WNT10A: variants seen among roughly 807,000 people sequenced by gnomAD.
WNT10A encodes Wnt family member 10A.
WNT10A carries 37 observed loss-of-function variants against 36.1 expected under a neutral mutation model. The ratio of observed to expected loss-of-function variants is 1.02; its 90% CI spans 0.79 to 1.35. WNT10A has a LOEUF of 1.35. Ranked by LOEUF, WNT10A falls within the 40% of genes most tolerant of loss-of-function variation. The probability of loss-of-function intolerance (pLI) is 0.00; values close to 1 mark genes in which losing one functional copy is unlikely to be tolerated. For missense variants in WNT10A, 613 were observed against 601.4 expected, an observed-to-expected ratio of 1.02 and a Z score of -0.20; for synonymous variants, 255 against 254.1, an observed-to-expected ratio of 1.00 and a Z score of -0.03.
intron 2 of WNT10A, among the ~76,000 whole-genome samples, chr2:218,889,541 G>A (rs1944620914): frequency 6.6e-6 from 1 of 152,216 alleles, no homozygotes; most frequent in African/African-American, 2.4e-5. Flanking sequence ...ATTCCCACCA[G>A]CAACATCACT....
At chr2:218,879,634 C>G (rs1944486864), upstream of WNT10A, among the ~76,000 whole-genome samples, 1 of 152,140 alleles carries the variant, frequency 6.6e-6, no homozygotes, top group African/African-American at 2.4e-5. Flanking sequence ...CCTAGAGGAC[C>G]ATGTGCAGGT....
the WNT10A span, among the ~76,000 whole-genome samples, chr2:218,875,159 C>CTTTTT: frequency 1.9e-4 from 7 of 36,862 alleles, 3 homozygotes; most frequent in Admixed American, 8.5e-4. Context: ...GACTGACTTT[C>CTTTTT]TTTTTTTTTT....
At chr2:218,884,953 G>C (rs1195487250) in intron 2 of WNT10A, among the ~76,000 whole-genome samples, 2 of 152,224 alleles carry the variant, frequency 1.3e-5, no homozygotes, top group African/African-American at 2.4e-5. Context: ...CACTGATTGG[G>C]TTGGGGTCCC....
chr2:218,892,964 G>C lies in WNT10A; in HGVS notation c.947G>C (p.Gly316Ala). Residue 316 changes from glycine (G) to alanine (A), a missense_variant, in exon 4 of 4, where the codon GGG becomes GCG. By Grantham distance (60) the Gly-to-Ala change is moderately conservative. Transcript: ENST00000258411. ...NGGQLEPGPA[G>A]APSPAPGAPG... is the part of the protein sequence containing the mutation. ...GGCCAGCTGGAGCCGGGCCCAGCGG[G>C]GGCACCCTCGCCGGCTCCGGGCGCT... is the stretch of plus-strand genomic sequence containing the variant. 5 of 1,443,218 alleles carry C rather than the reference G, an allele frequency of 3.5e-6. No individual in the cohort carries two copies. In the South Asian group the frequency reaches 7.1e-5, roughly 21 times the overall value. The allele number at this position is 1,443,218 out of a possible 1,614,324, so 89.4% of individuals were successfully genotyped here.
At chr2:218,879,006 C>T (rs909686903), upstream of WNT10A, among the ~76,000 whole-genome samples, 1 of 152,192 alleles carries the variant, frequency 6.6e-6, no homozygotes, top group African/African-American at 2.4e-5. Flanking sequence ...TCAAATAAGG[C>T]TCTAGCTGAC....
chr2:218,882,587 A>G (rs867369148), intron 2 of WNT10A, among the ~76,000 whole-genome samples, 164 bp downstream of exon 2: 2 of 152,252 alleles, frequency 1.3e-5, no homozygotes, highest in Middle Eastern at 3.4e-3. Context: ...ATCTCAGGCC[A>G]TGGGGGCAGA....
Position 218,890,083 on chromosome 2 carries a change from G to A in WNT10A, c.476G>A (p.Cys159Tyr), listed in dbSNP as rs1450863492. Residue 159 changes from cysteine to tyrosine, a missense_variant, in exon 3 of 4, where the codon TGT becomes TAT. By Grantham distance (194) the Cys-to-Tyr change is radical. Transcript: ENST00000258411. The part of the protein sequence containing the change: ...CALGKLKACG[C>Y]DASRRGDEEA... ...CTGGGCAAACTGAAGGCCTGTGGCTGTGATGCGTCCCGGCGAGGGGACGAG... is the reference window on the plus strand; with the variant it reads ...CTGGGCAAACTGAAGGCCTGTGGCTATGATGCGTCCCGGCGAGGGGACGAG... 6.2e-7 allele frequency: 1 copy of A among 1,614,182 alleles called. No individual in the cohort carries two copies. The highest frequency in any genetic ancestry group is 1.7e-5 in the Admixed American group (1 of 60,030).
At chr2:218,880,798 C>G, upstream of WNT10A, 1 of 510,846 alleles carries the variant, frequency 2.0e-6, no homozygotes, top group Non-Finnish European at 3.4e-6. The surrounding 1 kb of genome is among the most constrained non-coding windows in gnomAD (Gnocchi z 7.7). Flanking sequence ...CCCCCCGCCC[C>G]CCCCGAGGGC....
chr2:218,881,262 T>A (rs1196641812), intron 1 of WNT10A, among the ~76,000 whole-genome samples, 154 bp downstream of exon 1: 1 of 152,088 alleles, frequency 6.6e-6, no homozygotes, highest in Non-Finnish European at 1.5e-5. Context: ...GTGAGCTCCC[T>A]CATAGGAGGG....
chr2:218,880,797 C>A (rs1030030122), upstream of WNT10A: 1 of 509,160 alleles, frequency 2.0e-6, no homozygotes, highest in Non-Finnish European at 3.4e-6. The surrounding 1 kb of genome is among the most constrained non-coding windows in gnomAD (Gnocchi z 7.7). Context: ...ACCCCCCGCC[C>A]CCCCCGAGGG....
intron 2 of WNT10A, among the ~76,000 whole-genome samples, chr2:218,886,612 T>G (rs942841407): frequency 6.6e-6 from 1 of 151,784 alleles, no homozygotes; most frequent in Non-Finnish European, 1.5e-5. Flanking sequence ...TTGTGTGTCT[T>G]AACGAGCCGC....
At chr2:218,875,159 C>CTTTTTTTTTTTT in the WNT10A span, among the ~76,000 whole-genome samples, 25 of 36,864 alleles carry the variant, frequency 6.8e-4, 9 homozygotes, top group East Asian at 2.0e-3. Flanking sequence ...GACTGACTTT[C>CTTTTTTTTTTTT]TTTTTTTTTT....
chr2:218,893,433 G>A lies in WNT10A; in HGVS notation c.*162G>A, dbSNP rs1944681730. 1.9e-6 allele frequency: 2 copies of A among 1,037,130 alleles called. No individual in the cohort carries two copies. The highest frequency in any genetic ancestry group is 2.7e-6 in the Non-Finnish European group (2 of 737,942). The allele number at this position is 1,037,130 out of a possible 1,614,324, so 64.2% of individuals were successfully genotyped here. A position where few individuals can be genotyped will look rare whatever the true frequency, so the allele number is the denominator to read the frequency against. The stretch of plus-strand genomic sequence containing the variant: ...CTCAGCTCTGAGGTCTGTGATCGCC[G>A]GACAGTCCAGGCCTGTCTGAACCCC... On this transcript the variant is annotated 3_prime_UTR_variant, in exon 4 of 4. Transcript: ENST00000258411. The surrounding 1 kb of genome is among the most constrained non-coding windows in gnomAD (Gnocchi z 6.3).
At chr2:218,889,520 T>C (rs146201389) in intron 2 of WNT10A, among the ~76,000 whole-genome samples, 19 of 152,360 alleles carry the variant, frequency 1.2e-4, no homozygotes, top group African/African-American at 3.8e-4. Flanking sequence ...ATAGTGGTTG[T>C]ACTAGTTTAC....
Position 218,893,137 on chromosome 2 carries a change from AGCATGTGCTGCGGCC to A in WNT10A, c.1123_1137del (p.Met375_Arg379del). 1 of 1,593,014 alleles carries A rather than the reference AGCATGTGCTGCGGCC, an allele frequency of 6.3e-7. No homozygotes were observed. The highest frequency in any genetic ancestry group is 8.5e-7 in the Non-Finnish European group (1 of 1,177,208). ...CAGCGCCGGCTCGGATGGCTGCGGC[AGCATGTGCTGCGGCC>A]GCGGCCACAACATCCTGCGCCAGAC... On this transcript the variant is annotated inframe_deletion, in exon 4 of 4. Transcript: ENST00000258411. The surrounding 1 kb of genome is among the most constrained non-coding windows in gnomAD (Gnocchi z 6.3).
In WNT10A at chr2:218,880,866, C is replaced by A; in HGVS notation, c.-130C>A. 1.7e-6 allele frequency: 2 copies of A among 1,182,416 alleles called. No individual in the cohort carries two copies. The highest frequency in any genetic ancestry group is 2.3e-6 in the Non-Finnish European group (2 of 884,138). The allele number at this position is 1,182,416 out of a possible 1,614,324, so 73.2% of individuals were successfully genotyped here. Reference sequence around the variant, plus strand: ...AGGCGGGCGCCGTCTGCTCCGGGAGCCCTGACCCGAGTCGGAGCTGTGTGT... The same window carrying A: ...AGGCGGGCGCCGTCTGCTCCGGGAGACCTGACCCGAGTCGGAGCTGTGTGT... On this transcript the variant is annotated 5_prime_UTR_variant, in exon 1 of 4. Transcript: ENST00000258411. This position sits in a 1 kb window ranked among gnomAD's most constrained non-coding sequence, Gnocchi z 7.7.
Position 218,889,972 on chromosome 2 carries a change from CTT to C in WNT10A, c.377-10_377-9del. 1 of 1,612,172 alleles carries C rather than the reference CTT, an allele frequency of 6.2e-7. No individual in the cohort carries two copies. The highest frequency in any genetic ancestry group is 8.5e-7 in the Non-Finnish European group (1 of 1,180,044). ...CCTCCAGAGTCCATGTGTTCTGGGT[CTT>C]TAACCACAGGTTTCCGAGAGAGCGC... On this transcript the variant is annotated splice_polypyrimidine_tract_variant and intron_variant, in intron 2 of 3. Coordinates refer to ENST00000258411, the MANE Select transcript of WNT10A (RefSeq NM_025216.3).
chr2:218,893,180 G>T lies in WNT10A; in HGVS notation c.1163G>T (p.Arg388Leu), dbSNP rs1244180506. Residue 388 changes from arginine (R) to leucine (L), a missense_variant, in exon 4 of 4, where the codon CGC becomes CTC. Transcript: ENST00000258411. The surrounding 1 kb of genome is among the most constrained non-coding windows in gnomAD (Gnocchi z 6.3). The stretch of plus-strand genomic sequence containing the variant: ...GGCCACAACATCCTGCGCCAGACGC[G>T]CAGCGAGCGCTGCCACTGCCGCTTC... ...GRGHNILRQT[R>L]SERCHCRFHW... The T allele has an allele frequency of 3.2e-6, 5 of 1,580,852 alleles. No individual in the cohort carries two copies. The highest frequency in any genetic ancestry group is 4.3e-6 in the Non-Finnish European group (5 of 1,170,266).
In WNT10A at chr2:218,893,287, C is replaced by G. The variant is rs1287664794; in HGVS notation, c.*16C>G. 1 of 1,539,626 alleles carries G rather than the reference C, an allele frequency of 6.5e-7. No individual in the cohort carries two copies. The highest frequency in any genetic ancestry group is 8.7e-7 in the Non-Finnish European group (1 of 1,148,310). On this transcript the variant is annotated 3_prime_UTR_variant, in exon 4 of 4. Coordinates refer to ENST00000258411, the MANE Select transcript of WNT10A (RefSeq NM_025216.3). The surrounding 1 kb of genome is among the most constrained non-coding windows in gnomAD (Gnocchi z 6.3). ...CTGCAAGTGAGCGGCCCGGGGTCCC[C>G]TGGGCCCTGATCGAGGTCCCCTCCT... is the stretch of plus-strand genomic sequence containing the variant.
Sources: allele counts gnomAD v4.1 joint callset (sites outside exome capture counted in the v4.1 genomes callset), GRCh38; gene constraint gnomAD v4.1.1; non-coding constraint Gnocchi (gnomAD v3.1); transcripts MANE v1.5; gene names NCBI Gene and HGNC (gene_info 2026-07-23, HGNC 2026-07-21).